PTPRD: variants seen among roughly 807,000 people sequenced by gnomAD.
The protein encoded by PTPRD is protein tyrosine phosphatase receptor type D, also known as receptor-type tyrosine-protein phosphatase delta.
Under a neutral mutation model 214.5 loss-of-function variants are expected in PTPRD, and 34 were observed. The observed-to-expected ratio is 0.16, with a 90% CI of 0.12 to 0.21. PTPRD has a LOEUF of 0.21. Among genes scored for constraint, PTPRD ranks in the 10% least tolerant of loss-of-function variants. PTPRD has a pLI of 1.00. For missense variants in PTPRD, 2,545 were observed against 2,398.7 expected (o/e 1.06, Z -1.27); for synonymous variants, 1,128 against 845.7 (o/e 1.33, Z -5.79).
At chr9:9,619,589 G>A (rs10977881) in intron 7 of PTPRD, among the ~76,000 whole-genome samples, 29,577 of 144,212 alleles carry the variant, frequency 0.21, 3,554 homozygotes, top group Non-Finnish European at 0.28. Context: ...TATCATATAT[G>A]TTAGAGAGAT....
At chr9:10,108,004 C>T (rs1283064544) in intron 3 of PTPRD, among the ~76,000 whole-genome samples, 1 of 152,036 alleles carries the variant, frequency 6.6e-6, no homozygotes, top group Non-Finnish European at 1.5e-5. Context: ...CAAATGGCAG[C>T]ATTGTACTTT....
At chr9:10,177,442 A>G (rs2099255580) in intron 3 of PTPRD, among the ~76,000 whole-genome samples, 1 of 137,288 alleles carries the variant, frequency 7.3e-6, no homozygotes, top group African/African-American at 2.8e-5. Flanking sequence ...AAGTTGTTAA[A>G]ATGTTGTAAA....
intron 37 of PTPRD, 118 bp from the exon 38 acceptor site, chr9:8,376,844 T>C (rs1263164927): frequency 2.9e-6 from 4 of 1,364,294 alleles, no homozygotes; most frequent in East Asian, 4.7e-5. Flanking sequence ...GTTGATCTTT[T>C]TCTGGCATGC....
rs1308001094 is a variant in PTPRD at position 9,255,076 on chromosome 9, TA to T, written c.-202-71714del. Among the ~76,000 whole-genome samples, 18 of 152,178 alleles carry T rather than the reference TA, an allele frequency of 1.2e-4. No homozygotes were observed. The South Asian group carries it at 3.3e-3, about 28-fold the overall frequency. On this transcript the variant is annotated intron_variant, in intron 9 of 45. Coordinates refer to ENST00000381196, the MANE Select transcript of PTPRD (RefSeq NM_002839.4). ...GTTCAGCTAACGAATGCAACTGCAC[TA>T]AGTAAATAAACAAAGCTCAAGTTAA... is the stretch of plus-strand genomic sequence containing the variant.
At chr9:10,160,368 A>G (rs2099120134) in intron 3 of PTPRD, among the ~76,000 whole-genome samples, 1 of 152,054 alleles carries the variant, frequency 6.6e-6, no homozygotes, top group South Asian at 2.1e-4. Context: ...AAGGTTTCAT[A>G]AAAGAAAAGC....
At chr9:8,560,400 G>A (rs558396712) in intron 14 of PTPRD, among the ~76,000 whole-genome samples, 64 of 151,080 alleles carry the variant, frequency 4.2e-4, no homozygotes, top group African/African-American at 1.5e-3. Flanking sequence ...TTTAGACAGA[G>A]GCAAGTCAAA....
chr9:8,948,073 G>T (rs1393536721), intron 11 of PTPRD, among the ~76,000 whole-genome samples: 4 of 147,968 alleles, frequency 2.7e-5, no homozygotes, highest in Non-Finnish European at 5.9e-5. Context: ...AGGCTGGAGT[G>T]CAGTGGTGTG....
In PTPRD at chr9:10,612,434, G is replaced by A. The variant is rs906966275; in HGVS notation, c.-636C>T. On this transcript the variant is annotated 5_prime_UTR_variant, in exon 2 of 46. Coordinates refer to ENST00000381196, the MANE Select transcript of PTPRD (RefSeq NM_002839.4). ...CTCCAGTCCTCCTTGGAAACCCTGA[G>A]GAGTCTTCTCTTTTCTTTCCTACCA... is the stretch of plus-strand genomic sequence containing the variant. 6 of 152,230 alleles carry A rather than the reference G, an allele frequency of 3.9e-5. No individual in the cohort carries two copies. The highest frequency in any genetic ancestry group is 8.8e-5 in the Non-Finnish European group (6 of 68,122). 9.4% of individuals were successfully genotyped at this position (152,230 alleles called of 1,614,324 possible).
chr9:8,592,960 C>T (rs372343699), intron 14 of PTPRD, among the ~76,000 whole-genome samples: 1 of 152,050 alleles, frequency 6.6e-6, no homozygotes, highest in Non-Finnish European at 1.5e-5. Context: ...AAGCAATTTC[C>T]AACAGACATA....
At chr9:9,098,346 T>C (rs756368113) in intron 10 of PTPRD, among the ~76,000 whole-genome samples, 10 of 152,152 alleles carry the variant, frequency 6.6e-5, no homozygotes, top group Non-Finnish European at 1.3e-4. Context: ...AGCCTCCGTC[T>C]ACTGGGTTCA....
chr9:9,461,296 T>C lies in PTPRD; in HGVS notation c.-236-63814A>G, dbSNP rs7023328. 2.0e-3 allele frequency among the ~76,000 whole-genome samples: 299 copies of C among 152,150 alleles called. 2 individuals are homozygous for C. Among genetic ancestry groups the C allele is most frequent in the African/African-American group, 6.5e-3 (272 of 41,554 alleles). On this transcript the variant is annotated intron_variant, in intron 8 of 45. Coordinates refer to ENST00000381196, the MANE Select transcript of PTPRD (RefSeq NM_002839.4). ...CATTACACAATATACCCATGTAACA[T>C]ACCTGCACAGGTACTTCCTGAATCG... is the stretch of plus-strand genomic sequence containing the variant.
intron 2 of PTPRD, among the ~76,000 whole-genome samples, chr9:10,406,853 G>A (rs530633775): frequency 2.1e-4 from 32 of 151,632 alleles, no homozygotes; most frequent in African/African-American, 4.8e-4. Context: ...TCAATCTCAC[G>A]ATCTCACAGG....
Position 8,607,733 on chromosome 9 carries a change from T to A in PTPRD, c.352+25584A>T, listed in dbSNP as rs181217994. Among the ~76,000 whole-genome samples, 3 of 152,296 alleles carry A rather than the reference T, an allele frequency of 2.0e-5. No homozygotes were observed. In the East Asian group the frequency reaches 5.8e-4, roughly 29 times the overall value. On this transcript the variant is annotated intron_variant, in intron 14 of 45. Transcript: ENST00000381196. ...CCATTTGCAATGGAGAATGACCATC[T>A]CCTACTAGAGCTGCCATGCCAAACC... is the stretch of plus-strand genomic sequence containing the variant.
chr9:9,085,464 G>A (rs892217116), intron 10 of PTPRD, among the ~76,000 whole-genome samples: 2 of 151,978 alleles, frequency 1.3e-5, no homozygotes, highest in African/African-American at 4.8e-5. Flanking sequence ...TCCTATTTTT[G>A]ACCCTTAGGG....
At chr9:9,282,782 G>C (rs1002138548) in intron 9 of PTPRD, among the ~76,000 whole-genome samples, 2 of 151,406 alleles carry the variant, frequency 1.3e-5, no homozygotes, top group African/African-American at 4.8e-5. Context: ...CTCTGATACA[G>C]TCAATAATTG....
intron 8 of PTPRD, among the ~76,000 whole-genome samples, chr9:9,507,567 A>G (rs1317598177): frequency 6.6e-6 from 1 of 151,526 alleles, no homozygotes; most frequent in Non-Finnish European, 1.5e-5. Context: ...AGCTAGTATG[A>G]TGATTAAGGA....
At chr9:9,830,675 A>G (rs7868673) in intron 5 of PTPRD, among the ~76,000 whole-genome samples, 39,833 of 151,672 alleles carry the variant, frequency 0.26, 6,431 homozygotes, top group East Asian at 0.82. Flanking sequence ...ATATTGACAG[A>G]CTGGCACAAA....
chr9:9,258,090 G>GGGAT (rs147975141), intron 9 of PTPRD, among the ~76,000 whole-genome samples: 5 of 148,364 alleles, frequency 3.4e-5, no homozygotes, highest in Non-Finnish European at 7.5e-5. Context: ...TGAATGGATA[G>GGGAT]AGATAGATAG....
intron 3 of PTPRD, among the ~76,000 whole-genome samples, chr9:10,082,840 A>ACACAC (rs1555566891): frequency 2.7e-4 from 34 of 128,300 alleles, no homozygotes; most frequent in African/African-American, 6.9e-4. Flanking sequence ...CACACACACA[A>ACACAC]ACACACACAC....
Sources: gnomAD v4.1 joint callset for allele counts (sites outside exome capture counted in the v4.1 genomes callset) on GRCh38, gnomAD v4.1.1 for gene constraint, MANE v1.5 for transcripts, NCBI Gene and HGNC (gene_info 2026-07-23, HGNC 2026-07-21) for gene names.